DPF3: variants seen among roughly 807,000 people sequenced by gnomAD.
DPF3 encodes the protein double PHD fingers 3.
In DPF3, 18 loss-of-function variants were observed where a neutral mutation model predicts 56.8. The ratio of observed to expected loss-of-function variants is 0.32; its 90% CI spans 0.22 to 0.47. The LOEUF (loss-of-function observed/expected upper bound fraction) is 0.47. DPF3 is among the 20% of genes least tolerant of loss of function. DPF3 has a pLI of 1.00. For synonymous variants in DPF3, 188 were observed against 180.2 expected (o/e 1.04, Z -0.35); for missense variants, 403 against 488.8 (o/e 0.82, Z 1.65).
intron 9 of DPF3, among the ~76,000 whole-genome samples, chr14:72,624,384 AC>A (rs1245537726): frequency 7.7e-6 from 1 of 130,596 alleles, no homozygotes; most frequent in Admixed American, 9.4e-5. Flanking sequence ...TGTTGCCCAA[AC>A]TGGAGTGCAG....
chr14:72,622,832 C>G (rs1356642053), intron 9 of DPF3, among the ~76,000 whole-genome samples: 4 of 152,092 alleles, frequency 2.6e-5, no homozygotes, highest in Non-Finnish European at 5.9e-5. Context: ...GAGAGGAATC[C>G]TAGTGCCCCA....
At chr14:72,848,932 G>A (rs771061572) in intron 1 of DPF3, among the ~76,000 whole-genome samples, 2 of 152,146 alleles carry the variant, frequency 1.3e-5, no homozygotes, top group Non-Finnish European at 2.9e-5. Context: ...TGTGTGCCAG[G>A]TTCTGTACTA....
chr14:72,671,130 G>A lies in DPF3; in HGVS notation c.871+3110C>T, dbSNP rs750946701. 40 of 1,613,550 alleles carry A rather than the reference G, an allele frequency of 2.5e-5. No homozygotes were observed. In the South Asian group the frequency reaches 2.5e-4, roughly 10 times the overall value. ...GCTAATTGCCCAGAGAGTCTGTTCC[G>A]TGGGTTTAGCAACTGCCCTTTTTAT... On this transcript the variant is annotated intron_variant, in intron 8 of 10. Transcript: ENST00000556509.
At chr14:72,708,312 A>G (rs1888500802) in intron 6 of DPF3, among the ~76,000 whole-genome samples, 1 of 152,166 alleles carries the variant, frequency 6.6e-6, no homozygotes, top group African/African-American at 2.4e-5. Flanking sequence ...TAAATATTTA[A>G]ACAGACCCAG....
chr14:72,757,897 T>A (rs1293495259), intron 2 of DPF3, among the ~76,000 whole-genome samples: 1 of 152,046 alleles, frequency 6.6e-6, no homozygotes, highest in Non-Finnish European at 1.5e-5. Context: ...GATACACACA[T>A]ATTCAGACAA....
chr14:72,786,087 C>T (rs972323609), intron 1 of DPF3, among the ~76,000 whole-genome samples: 1 of 152,054 alleles, frequency 6.6e-6, no homozygotes, highest in South Asian at 2.1e-4. Flanking sequence ...CTTGGTGAAA[C>T]TCCATTTCTA....
intron 7 of DPF3, among the ~76,000 whole-genome samples, chr14:72,684,505 T>A (rs745715819): frequency 4.3e-3 from 110 of 25,426 alleles, no homozygotes; most frequent in Admixed American, 4.5e-3. Context: ...AGGCTCAAGC[T>A]TTTTTTTTTA....
intron 8 of DPF3, among the ~76,000 whole-genome samples, chr14:72,648,779 G>GTC (rs145132813): frequency 0.018 from 2,659 of 150,626 alleles, 82 homozygotes; most frequent in African/African-American, 0.062. Flanking sequence ...CATCGTCAAT[G>GTC]TCTCTCTCTC....
At chr14:72,665,714 G>A (rs930140003) in intron 8 of DPF3, among the ~76,000 whole-genome samples, 1 of 152,192 alleles carries the variant, frequency 6.6e-6, no homozygotes, top group African/African-American at 2.4e-5. Flanking sequence ...CTGGATCCTG[G>A]ACCAGAAAAA....
chr14:72,684,946 C>T (rs1464438077), intron 7 of DPF3, among the ~76,000 whole-genome samples: 1 of 152,300 alleles, frequency 6.6e-6, no homozygotes, highest in South Asian at 2.1e-4. Context: ...CACCCGTACA[C>T]ACCAAAGAAA....
intron 2 of DPF3, among the ~76,000 whole-genome samples, chr14:72,769,385 A>C (rs951330756): frequency 2.0e-5 from 3 of 152,202 alleles, no homozygotes; most frequent in Non-Finnish European, 2.9e-5. Context: ...GGGTTGTTTC[A>C]AAACACCAGC....
rs740978 is a variant in DPF3 at position 72,789,009 on chromosome 14, G to T, written c.33-17116C>A. 2.0e-5 allele frequency among the ~76,000 whole-genome samples: 3 copies of T among 152,218 alleles called. No individual in the cohort carries two copies. In the South Asian group the frequency reaches 6.2e-4, roughly 32 times the overall value. The stretch of plus-strand genomic sequence containing the variant: ...CCTCCTCAAAGCCTTCCTATCCCCA[G>T]TCCAGCCCTCCAGTGAGGCCTCCCT... On this transcript the variant is annotated intron_variant, in intron 1 of 10. Coordinates refer to ENST00000556509, the MANE Select transcript of DPF3 (RefSeq NM_001280542.3).
chr14:72,874,233 C>T (rs754795695), intron 1 of DPF3, among the ~76,000 whole-genome samples: 2 of 151,572 alleles, frequency 1.3e-5, no homozygotes, highest in South Asian at 2.1e-4. Flanking sequence ...AATCCCAGCA[C>T]TTTGGGAGGC....
At chr14:72,862,415 A>G (rs189971634) in intron 1 of DPF3, among the ~76,000 whole-genome samples, 32 of 152,146 alleles carry the variant, frequency 2.1e-4, no homozygotes, top group Admixed American at 5.9e-4. Flanking sequence ...TTTCAATTCC[A>G]TCTTAATCCC....
intron 2 of DPF3, among the ~76,000 whole-genome samples, chr14:72,769,708 C>T (rs1344823287): frequency 6.7e-6 from 1 of 148,930 alleles, no homozygotes; most frequent in Non-Finnish European, 1.5e-5. Flanking sequence ...AACACATCAG[C>T]ACTGGCCAGA....
chr14:72,782,909 A>G (rs1446908571), intron 1 of DPF3, among the ~76,000 whole-genome samples: 1 of 151,532 alleles, frequency 6.6e-6, no homozygotes, highest in Non-Finnish European at 1.5e-5. Context: ...CACTGCACTC[A>G]GAGCAAAATC....
chr14:72,692,995 G>A (rs1471556119), intron 7 of DPF3, 81 bp downstream of exon 7: 37 of 1,581,880 alleles, frequency 2.3e-5, no homozygotes, highest in Admixed American at 1.2e-4. Context: ...GATGCCAGCA[G>A]TGAGAAAAAG....
At chr14:72,790,804 C>T (rs1555507284) in intron 1 of DPF3, among the ~76,000 whole-genome samples, 1 of 152,170 alleles carries the variant, frequency 6.6e-6, no homozygotes, top group African/African-American at 2.4e-5. Flanking sequence ...CCTTACTTCT[C>T]CCCCCTCAAG....
intron 1 of DPF3, 111 bp from the exon 2 acceptor site, chr14:72,772,004 G>A: frequency 1.4e-5 from 17 of 1,216,176 alleles, no homozygotes; most frequent in Non-Finnish European, 1.8e-5. Flanking sequence ...AGACCTCCCA[G>A]TTATGAAGAC....
Sources: gnomAD v4.1 joint callset for allele counts (sites outside exome capture counted in the v4.1 genomes callset) on GRCh38, gnomAD v4.1.1 for gene constraint, MANE v1.5 for transcripts, NCBI Gene and HGNC (gene_info 2026-07-23, HGNC 2026-07-21) for gene names.